The following MTUS2 variants were observed in gnomAD, a reference collection of about 807,000 sequenced individuals.
MTUS2 encodes microtubule associated scaffold protein 2.
Under a neutral mutation model 114.1 loss-of-function variants are expected in MTUS2, and 40 were observed. That is an observed-to-expected ratio of 0.35 (90% confidence interval 0.27 to 0.46). The LOEUF is 0.46. MTUS2 is among the 20% of genes least tolerant of loss of function. The probability of loss-of-function intolerance (pLI) is 1.00; values close to 1 mark genes in which losing one functional copy is unlikely to be tolerated. For missense variants in MTUS2, 1,679 were observed against 1,705.4 expected (o/e 0.98, Z 0.27); for synonymous variants, 688 against 672.0 (o/e 1.02, Z -0.37).
At chr13:29,183,389 G>C (rs187197797) in intron 5 of MTUS2, among the ~76,000 whole-genome samples, 1 of 152,168 alleles carries the variant, frequency 6.6e-6, no homozygotes, top group South Asian at 2.1e-4. Flanking sequence ...GATTCATTTG[G>C]GGGTAGGGTC....
intron 5 of MTUS2, among the ~76,000 whole-genome samples, chr13:29,254,629 C>A (rs527961467): frequency 6.6e-6 from 1 of 152,234 alleles, no homozygotes; most frequent in Non-Finnish European, 1.5e-5. Flanking sequence ...ATACCATTAA[C>A]GAAGAATTTT....
intron 8 of MTUS2, among the ~76,000 whole-genome samples, chr13:29,418,331 C>T (rs567582087): frequency 2.0e-5 from 3 of 152,152 alleles, no homozygotes; most frequent in Non-Finnish European, 4.4e-5. Context: ...CCAGCTTCCC[C>T]TTCATTCAAA....
At chr13:29,455,104 C>T (rs1051080224) in intron 9 of MTUS2, among the ~76,000 whole-genome samples, 1 of 152,202 alleles carries the variant, frequency 6.6e-6, no homozygotes, top group African/African-American at 2.4e-5. Flanking sequence ...TGGCTGCCAT[C>T]TTGCTGGGCC....
At position 28,829,966 on chromosome 13, in the gene MTUS2, A is replaced by G. The variant is rs12585648; in HGVS notation, c.-316+9355A>G. Among the ~76,000 whole-genome samples the G allele has an allele frequency of 1.2e-3, 180 of 152,298 alleles. 3 individuals are homozygous for G. In the East Asian group the frequency reaches 0.033, roughly 28 times the overall value. On this transcript the variant is annotated intron_variant, in intron 1 of 15. Coordinates refer to ENST00000612955, the MANE Select transcript of MTUS2 (RefSeq NM_001033602.4). Reference sequence around the variant, plus strand: ...ATAAGTAAAGTAGGAAGAGAAGACTAAGAGTTGTAAACTACCTGCTGGAGT... The same window carrying G: ...ATAAGTAAAGTAGGAAGAGAAGACTGAGAGTTGTAAACTACCTGCTGGAGT...
chr13:29,494,767 G>A (rs922134647), intron 12 of MTUS2, among the ~76,000 whole-genome samples: 6 of 152,114 alleles, frequency 3.9e-5, no homozygotes, highest in Non-Finnish European at 7.4e-5. Flanking sequence ...GGCTGGGCAC[G>A]GTGGCTTATG....
chr13:29,488,439 T>C (rs1259811088), intron 11 of MTUS2, among the ~76,000 whole-genome samples: 1 of 59,034 alleles, frequency 1.7e-5, no homozygotes, highest in Admixed American at 1.6e-4. Context: ...TTTTTCCTCT[T>C]TTTTTTTTTT....
intron 9 of MTUS2, among the ~76,000 whole-genome samples, chr13:29,442,437 C>G (rs901208581): frequency 5.3e-5 from 8 of 152,156 alleles, no homozygotes; most frequent in African/African-American, 1.9e-4. Context: ...TGATTGGGCC[C>G]CACACAACGT....
intron 2 of MTUS2, among the ~76,000 whole-genome samples, chr13:28,902,573 A>G (rs1879708291): frequency 6.6e-6 from 1 of 152,132 alleles, no homozygotes; most frequent in South Asian, 2.1e-4. Flanking sequence ...AAAAAATTTT[A>G]ACATTAATTG....
chr13:29,460,229 T>G (rs1295417402), intron 9 of MTUS2, among the ~76,000 whole-genome samples: 1 of 152,188 alleles, frequency 6.6e-6, no homozygotes, highest in Non-Finnish European at 1.5e-5. Context: ...TTGAGGGTTA[T>G]CAGGCTCCAA....
intron 2 of MTUS2, among the ~76,000 whole-genome samples, chr13:28,904,449 T>C (rs1230203114): frequency 3.3e-5 from 5 of 152,176 alleles, no homozygotes; most frequent in African/African-American, 9.7e-5. Context: ...AAGGAAGGGA[T>C]CCAGTTTCAG....
rs148694261 is a variant in MTUS2 at position 28,821,543 on chromosome 13, T to A, written c.-316+932T>A. 4.9e-3 allele frequency among the ~76,000 whole-genome samples: 749 copies of A among 152,350 alleles called. 9 individuals are homozygous for A. The highest frequency in any genetic ancestry group is 6.8e-3 in the Middle Eastern group (2 of 294). ...AGGCCCCAAAACCAGTACTCACATT[T>A]ATGGCTATTTTTTTCAGGTAAAAAT... On this transcript the variant is annotated intron_variant, in intron 1 of 15. Coordinates refer to ENST00000612955, the MANE Select transcript of MTUS2 (RefSeq NM_001033602.4).
intron 5 of MTUS2, among the ~76,000 whole-genome samples, chr13:29,195,922 G>T (rs897325989): frequency 6.6e-5 from 10 of 152,160 alleles, no homozygotes; most frequent in Non-Finnish European, 1.0e-4. Flanking sequence ...AAGCCTGTGT[G>T]CCTGCTGTGG....
At chr13:28,902,996 G>T (rs1346074871) in intron 2 of MTUS2, among the ~76,000 whole-genome samples, 1 of 152,096 alleles carries the variant, frequency 6.6e-6, no homozygotes, top group Non-Finnish European at 1.5e-5. Context: ...AAACTCTTCA[G>T]TAGTTTATAG....
chr13:28,878,795 T>C (rs181539025), intron 2 of MTUS2, among the ~76,000 whole-genome samples: 3 of 152,328 alleles, frequency 2.0e-5, no homozygotes, highest in Admixed American at 2.0e-4. Flanking sequence ...AAAACATACA[T>C]GTGCACGTAT....
Position 29,117,313 on chromosome 13 carries a change from C to T in MTUS2, c.2644+16343C>T, listed in dbSNP as rs1012671188. Among the ~76,000 whole-genome samples, 9 of 152,312 alleles carry T rather than the reference C, an allele frequency of 5.9e-5. 2 individuals carry two copies. In the South Asian group the frequency reaches 1.9e-3, roughly 32 times the overall value. The stretch of plus-strand genomic sequence containing the variant: ...ATGTGGACTTCCAGTTAAGCATGCC[C>T]TGCCCTGGCCTGACCAGGTGCTGGA... On this transcript the variant is annotated intron_variant, in intron 5 of 15. Coordinates refer to ENST00000612955, the MANE Select transcript of MTUS2 (RefSeq NM_001033602.4).
At chr13:29,031,270 G>GTGTGTGTGTGTGTGT (rs1555287201) in intron 3 of MTUS2, among the ~76,000 whole-genome samples, 22 of 22,428 alleles carry the variant, frequency 9.8e-4, no homozygotes, top group Non-Finnish European at 2.4e-3. Flanking sequence ...GTGTGTGTGT[G>GTGTGTGTGTGTGTGT]GTGTGTGTTC....
intron 11 of MTUS2, among the ~76,000 whole-genome samples, chr13:29,491,957 G>A (rs1882156420): frequency 6.8e-6 from 1 of 146,678 alleles, no homozygotes; most frequent in South Asian, 2.2e-4. Context: ...CATGTAGTGT[G>A]TGTGTATGTG....
At chr13:28,858,843 AG>A (rs1041062333) in intron 2 of MTUS2, among the ~76,000 whole-genome samples, 3 of 152,232 alleles carry the variant, frequency 2.0e-5, no homozygotes, top group Admixed American at 6.5e-5. Flanking sequence ...AGTTCAGATA[AG>A]GGGTGAGCTT....
intron 14 of MTUS2, among the ~76,000 whole-genome samples, chr13:29,499,901 C>T (rs550148434): frequency 7.2e-5 from 11 of 152,344 alleles, no homozygotes; most frequent in East Asian, 1.9e-4. Flanking sequence ...AGATTCTGGG[C>T]GATGCTGACC....
Sources: gnomAD v4.1 joint callset for allele counts (sites outside exome capture counted in the v4.1 genomes callset) on GRCh38, gnomAD v4.1.1 for gene constraint, MANE v1.5 for transcripts, NCBI Gene and HGNC (gene_info 2026-07-23, HGNC 2026-07-21) for gene names.